Variants in MGAM observed in about 807,000 individuals in gnomAD.
MGAM encodes the protein maltase-glucoamylase, also known as alpha-1,4-glucosidase.
MGAM carries 253 observed loss-of-function variants against 358.8 expected under a neutral mutation model. The observed-to-expected ratio is 0.71, with a 90% CI of 0.64 to 0.78. MGAM has a LOEUF of 0.78. Among genes scored for constraint, MGAM ranks in the 30% least tolerant of loss-of-function variants. The probability of loss-of-function intolerance (pLI) is 0.00; values close to 1 mark genes in which losing one functional copy is unlikely to be tolerated. For missense variants in MGAM, 3,080 were observed against 3,432.6 expected (o/e 0.90, Z 2.57); for synonymous variants, 1,105 against 1,227.1 (o/e 0.90, Z 2.08).
intron 28 of MGAM, 112 bp downstream of exon 28, chr7:142,055,838 C>A: frequency 1.3e-6 from 2 of 1,518,884 alleles, no homozygotes; most frequent in Non-Finnish European, 1.8e-6. Flanking sequence ...TGCTTTTAGG[C>A]AAGTGGGCCA....
chr7:142,105,334 C>T (rs1316400715), intron 70 of MGAM, among the ~76,000 whole-genome samples: 1 of 151,422 alleles, frequency 6.6e-6, no homozygotes, highest in Non-Finnish European at 1.5e-5. Flanking sequence ...GTTGCCTAGG[C>T]TGAAGTACAC....
Position 142,065,473 on chromosome 7 carries a change from G to C in MGAM, c.4618+5G>C, listed in dbSNP as rs558901837. On this transcript the variant is annotated splice_donor_5th_base_variant and intron_variant, in intron 38 of 70. Transcript: ENST00000475668. Reference sequence around the variant, plus strand: ...AGCTGAAGAAGTCTATCATTGGTGCGTGGGTCCTTCCCCAGGGCCTTTGCC... The same window carrying C: ...AGCTGAAGAAGTCTATCATTGGTGCCTGGGTCCTTCCCCAGGGCCTTTGCC... The C allele has an allele frequency of 6.8e-4, 1,100 of 1,610,510 alleles. No individual in the cohort carries two copies. Among genetic ancestry groups the C allele is most frequent in the Non-Finnish European group, 8.7e-4 (1,029 of 1,179,196 alleles).
chr7:142,028,902 G>A lies in MGAM; in HGVS notation c.1221+1167G>A, dbSNP rs1199591919. On this transcript the variant is annotated intron_variant, in intron 10 of 70. Coordinates refer to ENST00000475668, the MANE Select transcript of MGAM (RefSeq NM_001365693.1). ...TCTTTATGCATGTGGGGGTGGGTTG[G>A]GGGAGGGATAACAGAAAAAGTGGTA... 2.0e-5 allele frequency among the ~76,000 whole-genome samples: 3 copies of A among 152,084 alleles called. No homozygotes were observed. In the East Asian group the frequency reaches 5.8e-4, roughly 30 times the overall value.
At chr7:142,067,986 A>ATATATATATTT (rs1236775159) in intron 42 of MGAM, among the ~76,000 whole-genome samples, 1 of 8,692 alleles carries the variant, frequency 1.2e-4, no homozygotes, top group African/African-American at 1.8e-4. Flanking sequence ...ATATATATAT[A>ATATATATATTT]TTTTTTTTTT....
At chr7:141,994,530 C>T (rs1554448020), upstream of MGAM, among the ~76,000 whole-genome samples, 1 of 152,160 alleles carries the variant, frequency 6.6e-6, no homozygotes, top group African/African-American at 2.4e-5. Context: ...GTCTGTTGGT[C>T]TACTGAAATG....
At chr7:142,031,916 C>T (rs191520865) in intron 13 of MGAM, 123 bp downstream of exon 13, 5 of 620,484 alleles carry the variant, frequency 8.1e-6, no homozygotes, top group Admixed American at 6.0e-5. Flanking sequence ...ATAACAATCA[C>T]TCTCAATATT....
chr7:142,045,883 T>G (rs1315673260), intron 21 of MGAM, among the ~76,000 whole-genome samples: 7 of 107,358 alleles, frequency 6.5e-5, no homozygotes, highest in African/African-American at 2.6e-4. Context: ...CAATATGTAA[T>G]ATATATATTA....
At chr7:141,998,547 G>C (rs1804464649) in intron 1 of MGAM, among the ~76,000 whole-genome samples, 1 of 152,134 alleles carries the variant, frequency 6.6e-6, no homozygotes, top group Non-Finnish European at 1.5e-5. Flanking sequence ...GAGAATGATG[G>C]CTTCCAGTTT....
chr7:142,003,901 A>C (rs1162143554), intron 1 of MGAM, among the ~76,000 whole-genome samples: 3 of 151,632 alleles, frequency 2.0e-5, no homozygotes, highest in Non-Finnish European at 2.9e-5. Context: ...GTATTTTTCC[A>C]AAAAAAAGGC....
Position 142,034,749 on chromosome 7 carries a change from G to A in MGAM, c.1867G>A (p.Ala623Thr). 6.2e-7 allele frequency: 1 copy of A among 1,613,578 alleles called. No individual in the cohort carries two copies. Among genetic ancestry groups the A allele is most frequent in the East Asian group, 2.2e-5 (1 of 44,830 alleles). The change falls in exon 16 of 71, where the codon GCA (alanine) becomes ACA (threonine). Residue 623 changes from alanine to threonine, a missense_variant. Coordinates refer to ENST00000475668, the MANE Select transcript of MGAM (RefSeq NM_001365693.1). ...CTTTGCGGGCTCTGGCAAGTTTGCA[G>A]CACATTGGTTAGGAGACAACACTGC... is the stretch of plus-strand genomic sequence containing the variant. ...STFAGSGKFA[A>T]HWLGDNTATW... is the part of the protein sequence containing the mutation.
In MGAM at chr7:142,063,115, T is replaced by C. The variant is rs542198326; in HGVS notation, c.4258-384T>C. 9.6e-4 allele frequency among the ~76,000 whole-genome samples: 146 copies of C among 152,192 alleles called. 1 individual carries two copies. Among genetic ancestry groups the C allele is most frequent in the Non-Finnish European group, 1.5e-3 (105 of 67,988 alleles). ...TGGGTAGCTGAGGGAGGAGAATCGCTTGAACATAGGAGGCAGAGTTTGCAG... is the reference window on the plus strand; with the variant it reads ...TGGGTAGCTGAGGGAGGAGAATCGCCTGAACATAGGAGGCAGAGTTTGCAG... On this transcript the variant is annotated intron_variant, in intron 35 of 70. Coordinates refer to ENST00000475668, the MANE Select transcript of MGAM (RefSeq NM_001365693.1).
At chr7:141,993,331 T>C (rs1023133349), upstream of MGAM, among the ~76,000 whole-genome samples, 2 of 152,240 alleles carry the variant, frequency 1.3e-5, no homozygotes, top group Non-Finnish European at 2.9e-5. Context: ...ACTGTGGCTT[T>C]TGTAAAATTA....
At chr7:141,998,140 A>C (rs1554449383) in intron 1 of MGAM, among the ~76,000 whole-genome samples, 1 of 152,206 alleles carries the variant, frequency 6.6e-6, no homozygotes, top group East Asian at 1.9e-4. Flanking sequence ...AAAGAACTAT[A>C]ATGGTACCAG....
chr7:142,035,111 G>T (rs1185831754), intron 16 of MGAM, among the ~76,000 whole-genome samples: 1 of 152,104 alleles, frequency 6.6e-6, no homozygotes, highest in Non-Finnish European at 1.5e-5. Context: ...AAAAGTGTAT[G>T]TATCCTTAAG....
At chr7:142,047,708 T>C in intron 21 of MGAM, 77 bp from the exon 22 acceptor site, 1 of 1,367,482 alleles carries the variant, frequency 7.3e-7, no homozygotes. Context: ...AATTTGAAAT[T>C]TGATGGAAAT....
intron 1 of MGAM, among the ~76,000 whole-genome samples, chr7:141,999,078 C>G (rs782302096): frequency 1.3e-5 from 2 of 152,022 alleles, no homozygotes; most frequent in Non-Finnish European, 2.9e-5. Context: ...GAACATAAGT[C>G]TCATGACGGC....
At chr7:142,068,748 A>T (rs1282429111) in intron 43 of MGAM, 45 bp downstream of exon 43, 2 of 1,387,620 alleles carry the variant, frequency 1.4e-6, no homozygotes, top group Admixed American at 3.5e-5. Context: ...TGTGGTAGAG[A>T]GTACAAAGGC....
At chr7:142,027,363 T>C in intron 9 of MGAM, 136 bp downstream of exon 9, 1 of 797,288 alleles carries the variant, frequency 1.3e-6, no homozygotes, top group Non-Finnish European at 2.0e-6. Flanking sequence ...AGATTTCATA[T>C]ATGCAATGGA....
At chr7:142,060,207 G>T in intron 33 of MGAM, 104 bp from the exon 34 acceptor site, 1 of 1,480,948 alleles carries the variant, frequency 6.8e-7, no homozygotes, top group Non-Finnish European at 9.4e-7. Flanking sequence ...GATAGTCAAA[G>T]TATTATTGCT....
Sources: gnomAD v4.1 joint callset for allele counts (sites outside exome capture counted in the v4.1 genomes callset) on GRCh38, gnomAD v4.1.1 for gene constraint, MANE v1.5 for transcripts, NCBI Gene and HGNC (gene_info 2026-07-23, HGNC 2026-07-21) for gene names.